LRMDA: variants seen among roughly 807,000 people sequenced by gnomAD.
The protein encoded by LRMDA is leucine rich melanocyte differentiation associated.
In LRMDA, 18 loss-of-function variants were observed where a neutral mutation model predicts 29.8. The observed-to-expected ratio is 0.60, with a 90% CI of 0.42 to 0.90. The LOEUF is 0.90. LRMDA is among the 40% of genes least tolerant of loss of function. The pLI is 0.00. For missense variants in LRMDA, 273 were observed against 273.9 expected, an observed-to-expected ratio of 1.00 and a Z score of 0.02; for synonymous variants, 125 against 109.4, an observed-to-expected ratio of 1.14 and a Z score of -0.89.
intron 2 of LRMDA, among the ~76,000 whole-genome samples, chr10:76,035,014 C>T (rs796413975): frequency 6.6e-6 from 1 of 152,090 alleles, no homozygotes; most frequent in South Asian, 2.1e-4. Flanking sequence ...TCACCTCCAC[C>T]CCCAACACTC....
intron 2 of LRMDA, among the ~76,000 whole-genome samples, chr10:75,481,018 G>T (rs1267138113): frequency 6.6e-6 from 1 of 152,168 alleles, no homozygotes; most frequent in African/African-American, 2.4e-5. Context: ...AGGGTTTTCA[G>T]GATGGAGGGG....
At chr10:76,018,487 G>A (rs1473560483) in intron 2 of LRMDA, among the ~76,000 whole-genome samples, 2 of 152,178 alleles carry the variant, frequency 1.3e-5, no homozygotes, top group Non-Finnish European at 2.9e-5. Context: ...GTATTAGGAA[G>A]GGGTAGTTTT....
chr10:75,733,607 T>C (rs1031516293), intron 2 of LRMDA, among the ~76,000 whole-genome samples: 1 of 152,170 alleles, frequency 6.6e-6, no homozygotes. Flanking sequence ...TGGCCTGTTA[T>C]GGAGGCAGAA....
At position 75,777,207 on chromosome 10, in the gene LRMDA, C is replaced by T. The variant is rs540133094; in HGVS notation, c.132-258801C>T. On this transcript the variant is annotated intron_variant, in intron 2 of 6. Transcript: ENST00000611255. The stretch of plus-strand genomic sequence containing the variant: ...GGGAAAGCTGGCTGTCTCTTGCCCC[C>T]AGCAGTTTGAACATTAAAGATGTGA... 4.7e-4 allele frequency among the ~76,000 whole-genome samples: 72 copies of T among 152,306 alleles called. No individual in the cohort carries two copies. The South Asian group carries it at 0.015, about 31-fold the overall frequency.
chr10:75,870,692 T>C (rs1324713192), intron 2 of LRMDA, among the ~76,000 whole-genome samples: 2 of 152,218 alleles, frequency 1.3e-5, no homozygotes, highest in Non-Finnish European at 2.9e-5. Context: ...CCTTGTGATC[T>C]CTCCTTGCTG....
chr10:76,429,891 T>C (rs1842173262), intron 6 of LRMDA, among the ~76,000 whole-genome samples: 1 of 152,114 alleles, frequency 6.6e-6, no homozygotes, highest in Non-Finnish European at 1.5e-5. Context: ...TTGAGAGAAG[T>C]GTGCTGGTGA....
At chr10:76,421,453 C>T (rs1022444243) in intron 6 of LRMDA, among the ~76,000 whole-genome samples, 1 of 152,006 alleles carries the variant, frequency 6.6e-6, no homozygotes, top group Non-Finnish European at 1.5e-5. Flanking sequence ...CTTTGAAATC[C>T]ATTATGAAAA....
chr10:75,762,162 C>T (rs1367774919), intron 2 of LRMDA, among the ~76,000 whole-genome samples: 3 of 152,114 alleles, frequency 2.0e-5, no homozygotes, highest in African/African-American at 7.2e-5. Context: ...AAGAAAGAGG[C>T]AGTTGTGCAG....
intron 6 of LRMDA, among the ~76,000 whole-genome samples, chr10:76,384,053 A>G (rs957886345): frequency 6.6e-6 from 1 of 151,468 alleles, no homozygotes; most frequent in East Asian, 1.9e-4. Flanking sequence ...GAAATAGTAA[A>G]CTCCCAAAGA....
chr10:75,993,879 C>T (rs987429576), intron 2 of LRMDA, among the ~76,000 whole-genome samples: 2 of 152,254 alleles, frequency 1.3e-5, no homozygotes, highest in African/African-American at 2.4e-5. Context: ...TGTCAGTCTC[C>T]AGATGCTTAC....
At chr10:76,019,545 A>G (rs970099706) in intron 2 of LRMDA, among the ~76,000 whole-genome samples, 1 of 152,194 alleles carries the variant, frequency 6.6e-6, no homozygotes, top group Admixed American at 6.5e-5. Context: ...ACTTGACATT[A>G]TAAAGCAAAT....
At chr10:75,539,237 C>T (rs769676542) in intron 2 of LRMDA, among the ~76,000 whole-genome samples, 29 of 152,088 alleles carry the variant, frequency 1.9e-4, no homozygotes, top group Non-Finnish European at 3.5e-4. Flanking sequence ...GAGATGGAGA[C>T]CCTCCATGGC....
At chr10:75,666,443 T>A (rs1841823586) in intron 2 of LRMDA, among the ~76,000 whole-genome samples, 1 of 151,904 alleles carries the variant, frequency 6.6e-6, no homozygotes, top group Non-Finnish European at 1.5e-5. Flanking sequence ...CTTTCTAAGA[T>A]CTGAAAAAAT....
At chr10:75,876,668 G>C (rs187748638) in intron 2 of LRMDA, among the ~76,000 whole-genome samples, 2 of 152,112 alleles carry the variant, frequency 1.3e-5, no homozygotes, top group African/African-American at 4.8e-5. Flanking sequence ...GGTGCAGGAC[G>C]CTAGAGCTCT....
intron 2 of LRMDA, among the ~76,000 whole-genome samples, chr10:75,911,217 A>ATAT (rs375357059): frequency 1.9e-4 from 29 of 151,830 alleles, no homozygotes; most frequent in African/African-American, 4.6e-4. Flanking sequence ...GCATGGGCTT[A>ATAT]TATTATTATT....
In LRMDA at chr10:75,924,077, T is replaced by C. The variant is rs369377756; in HGVS notation, c.132-111931T>C. On this transcript the variant is annotated intron_variant, in intron 2 of 6. Coordinates refer to ENST00000611255, the MANE Select transcript of LRMDA (RefSeq NM_001305581.2). ...TGGCACGCTGACATTTTCATATGTG[T>C]CTCAGCTAATGCCTCAAAATTACTC... Among the ~76,000 whole-genome samples the C allele has an allele frequency of 1.1e-4, 16 of 152,330 alleles. No individual in the cohort carries two copies. In the East Asian group the frequency reaches 2.9e-3, roughly 28 times the overall value.
chr10:76,022,271 G>A (rs1210138980), intron 2 of LRMDA, among the ~76,000 whole-genome samples: 1 of 152,032 alleles, frequency 6.6e-6, no homozygotes, highest in East Asian at 1.9e-4. Flanking sequence ...TCAAATTAAA[G>A]TTAGTCAAAA....
chr10:76,436,250 G>C (rs1842243675), intron 6 of LRMDA, among the ~76,000 whole-genome samples: 1 of 152,164 alleles, frequency 6.6e-6, no homozygotes, highest in African/African-American at 2.4e-5. Flanking sequence ...CAAATGTGGA[G>C]TATATTAATA....
At chr10:75,647,293 C>T (rs991245153) in intron 2 of LRMDA, among the ~76,000 whole-genome samples, 5 of 152,128 alleles carry the variant, frequency 3.3e-5, no homozygotes, top group African/African-American at 1.2e-4. Context: ...TCTATTGTTA[C>T]TAAAATCTTT....
Sources: gnomAD v4.1 joint callset for allele counts (sites outside exome capture counted in the v4.1 genomes callset) on GRCh38, gnomAD v4.1.1 for gene constraint, MANE v1.5 for transcripts, NCBI Gene and HGNC (gene_info 2026-07-23, HGNC 2026-07-21) for gene names.